FMN1: variants seen among roughly 807,000 people sequenced by gnomAD.
FMN1 encodes formin 1.
Under a neutral mutation model 132.4 loss-of-function variants are expected in FMN1, and 110 were observed. The observed-to-expected ratio is 0.83, with a 90% CI of 0.71 to 0.97. The LOEUF is 0.97. Among genes scored for constraint, FMN1 ranks in the 50% least tolerant of loss-of-function variants. FMN1 has a pLI of 0.00. For missense variants in FMN1, 1,792 were observed against 1,705.3 expected (o/e 1.05, Z -0.90); for synonymous variants, 722 against 651.7 (o/e 1.11, Z -1.64).
intron 5 of FMN1, chr15:33,068,248 A>G (rs2037839751): frequency 1.1e-5 from 2 of 190,462 alleles, no homozygotes; most frequent in Admixed American, 5.3e-5. Context: ...TGTAATCCCA[A>G]CCCAGGACTT....
At chr15:32,786,298 T>C (rs1253821497) in intron 19 of FMN1, among the ~76,000 whole-genome samples, 1 of 152,184 alleles carries the variant, frequency 6.6e-6, no homozygotes, top group Non-Finnish European at 1.5e-5. Flanking sequence ...TATGGTCCTT[T>C]GGAATGGTGA....
At chr15:32,891,110 T>C (rs184624810) in intron 15 of FMN1, among the ~76,000 whole-genome samples, 126 of 152,374 alleles carry the variant, frequency 8.3e-4, no homozygotes, top group Non-Finnish European at 1.4e-3. Context: ...CCTATTTTTA[T>C]ACCAGTACCA....
At chr15:33,010,678 A>C (rs1263800556) in intron 6 of FMN1, among the ~76,000 whole-genome samples, 1 of 152,142 alleles carries the variant, frequency 6.6e-6, no homozygotes, top group African/African-American at 2.4e-5. Flanking sequence ...ATCTAGAAAA[A>C]TCTAAAAGAT....
intron 7 of FMN1, among the ~76,000 whole-genome samples, chr15:32,977,964 C>G (rs1258903026): frequency 1.3e-5 from 2 of 151,330 alleles, no homozygotes; most frequent in African/African-American, 2.4e-5. Context: ...TTAAGTGATT[C>G]TCCTGCCTCA....
intron 15 of FMN1, among the ~76,000 whole-genome samples, chr15:32,892,961 T>A (rs936059203): frequency 6.6e-6 from 1 of 152,194 alleles, no homozygotes; most frequent in African/African-American, 2.4e-5. Flanking sequence ...ATCTGGCATA[T>A]CAATAAGCTT....
chr15:33,139,041 T>C (rs921309811), intron 4 of FMN1, among the ~76,000 whole-genome samples: 4 of 152,212 alleles, frequency 2.6e-5, no homozygotes, highest in Non-Finnish European at 4.4e-5. Flanking sequence ...ATATTACTAA[T>C]GATATTTTAA....
At chr15:33,018,736 C>T (rs751631913) in intron 6 of FMN1, among the ~76,000 whole-genome samples, 26 of 152,096 alleles carry the variant, frequency 1.7e-4, no homozygotes, top group Non-Finnish European at 3.5e-4. Context: ...GTGGCGTGTC[C>T]GGAGTTTGTT....
intron 4 of FMN1, among the ~76,000 whole-genome samples, chr15:33,129,148 T>C (rs565381943): frequency 6.6e-6 from 1 of 152,212 alleles, no homozygotes; most frequent in Non-Finnish European, 1.5e-5. Flanking sequence ...CCTCTCAATA[T>C]TTTAAAGCTC....
Position 33,065,087 on chromosome 15 carries a change from C to T in FMN1, c.2044-13G>A, listed in dbSNP as rs1044143390. ...GGCTGTGGTCAGGCTGTTGAAAGAG[C>T]AGGCAAATAGTAAGTGGAATGTAGT... On this transcript the variant is annotated splice_polypyrimidine_tract_variant and intron_variant, in intron 5 of 20. Coordinates refer to ENST00000616417, the MANE Select transcript of FMN1 (RefSeq NM_001277313.2). The T allele has an allele frequency of 3.8e-6, 6 of 1,574,184 alleles. No individual in the cohort carries two copies. Among genetic ancestry groups the T allele is most frequent in the Admixed American group, 1.7e-5 (1 of 57,894 alleles).
chr15:32,825,669 A>T (rs946172655), intron 17 of FMN1, among the ~76,000 whole-genome samples: 1 of 152,216 alleles, frequency 6.6e-6, no homozygotes, highest in Non-Finnish European at 1.5e-5. Flanking sequence ...GACTATATAA[A>T]CTATGCCTGG....
intron 5 of FMN1, chr15:33,067,198 G>A: frequency 6.2e-7 from 1 of 1,613,524 alleles, no homozygotes; most frequent in Non-Finnish European, 8.5e-7. Context: ...CCTGGCTGGG[G>A]CGACGCTCTG....
chr15:32,807,026 T>C (rs528991542), intron 17 of FMN1, among the ~76,000 whole-genome samples: 1 of 152,340 alleles, frequency 6.6e-6, no homozygotes, highest in African/African-American at 2.4e-5. Context: ...GCTTGCTTTC[T>C]GCTGTAGCCT....
intron 9 of FMN1, among the ~76,000 whole-genome samples, chr15:32,941,194 G>T (rs1355011789): frequency 6.6e-6 from 1 of 152,176 alleles, no homozygotes; most frequent in Non-Finnish European, 1.5e-5. Context: ...TTTATTCCAT[G>T]TAGGTTCTTG....
At chr15:33,062,485 G>A (rs966983458) in intron 6 of FMN1, among the ~76,000 whole-genome samples, 1 of 152,114 alleles carries the variant, frequency 6.6e-6, no homozygotes, top group Non-Finnish European at 1.5e-5. Context: ...AGTCGGGCAT[G>A]GTGGCGGGCG....
chr15:33,007,473 C>T (rs569387474), intron 7 of FMN1, among the ~76,000 whole-genome samples: 1 of 152,060 alleles, frequency 6.6e-6, no homozygotes, highest in Non-Finnish European at 1.5e-5. Flanking sequence ...GGGAAATGAT[C>T]CCTCAGTCAT....
At chr15:33,104,713 G>T (rs1346537097) in intron 4 of FMN1, among the ~76,000 whole-genome samples, 1 of 152,042 alleles carries the variant, frequency 6.6e-6, no homozygotes, top group Non-Finnish European at 1.5e-5. Context: ...TTTCCATGGA[G>T]CCAAGGATTG....
chr15:32,865,026 T>A (rs571446985), intron 16 of FMN1, among the ~76,000 whole-genome samples: 3 of 152,324 alleles, frequency 2.0e-5, no homozygotes, highest in African/African-American at 7.2e-5. Context: ...ATCCTATGAT[T>A]CTACTCACAT....
chr15:32,923,320 T>C (rs142314201), intron 10 of FMN1, among the ~76,000 whole-genome samples: 2,622 of 152,306 alleles, frequency 0.017, 35 homozygotes, highest in Non-Finnish European at 0.028. Context: ...GCCAAGTACA[T>C]TCCACACACA....
intron 6 of FMN1, chr15:33,012,246 C>T: frequency 1.4e-6 from 1 of 701,324 alleles, no homozygotes; most frequent in Non-Finnish European, 2.6e-6. Context: ...CGCTCAAGAA[C>T]TGTGTGGTAA....
Sources: gnomAD v4.1 joint callset for allele counts (sites outside exome capture counted in the v4.1 genomes callset) on GRCh38, gnomAD v4.1.1 for gene constraint, MANE v1.5 for transcripts, NCBI Gene and HGNC (gene_info 2026-07-23, HGNC 2026-07-21) for gene names.